ZBTB38: variants seen among roughly 807,000 people sequenced by gnomAD.
ZBTB38 encodes zinc finger and BTB domain containing 38.
A neutral mutation model predicts 76.8 loss-of-function variants in ZBTB38; 20 were observed. That is an observed-to-expected ratio of 0.26 (90% CI 0.18 to 0.38). The LOEUF (loss-of-function observed/expected upper bound fraction) is 0.38. ZBTB38 is among the 10% of genes least tolerant of loss of function. ZBTB38 has a pLI of 1.00. For synonymous variants in ZBTB38, 504 were observed against 544.2 expected, an observed-to-expected ratio of 0.93 and a Z score of 1.03; for missense variants, 1,082 against 1,482.3, an observed-to-expected ratio of 0.73 and a Z score of 4.43.
intron 5 of ZBTB38, among the ~76,000 whole-genome samples, chr3:141,406,452 C>T (rs971697269): frequency 3.9e-5 from 6 of 152,166 alleles, no homozygotes; most frequent in African/African-American, 9.7e-5. Context: ...GCTGACACTG[C>T]GATTTCCAGA....
chr3:141,365,896 T>A (rs1279273949), upstream of ZBTB38, among the ~76,000 whole-genome samples: 1 of 152,220 alleles, frequency 6.6e-6, no homozygotes, highest in African/African-American at 2.4e-5. Context: ...TATACCTTAA[T>A]AATTTTTTTT....
intron 1 of ZBTB38, among the ~76,000 whole-genome samples, chr3:141,350,272 G>C (rs1325393901): frequency 6.6e-6 from 1 of 152,170 alleles, no homozygotes; most frequent in African/African-American, 2.4e-5. Context: ...TATAGGTTTA[G>C]TCTAGGAGTT....
chr3:141,351,130 G>T (rs1231648644), intron 1 of ZBTB38, among the ~76,000 whole-genome samples: 1 of 152,170 alleles, frequency 6.6e-6, no homozygotes, highest in African/African-American at 2.4e-5. Flanking sequence ...GTTATCTCTA[G>T]GTCAGGGAGG....
chr3:141,366,446 CCA>C (rs1286152232), upstream of ZBTB38: 1 of 152,210 alleles, frequency 6.6e-6, no homozygotes, highest in African/African-American at 2.4e-5. Context: ...TTTCCTCAGC[CCA>C]AGATCAGGCT....
chr3:141,409,043 T>C (rs990998673), intron 5 of ZBTB38, among the ~76,000 whole-genome samples: 1 of 152,184 alleles, frequency 6.6e-6, no homozygotes, highest in African/African-American at 2.4e-5. Context: ...GAGTTTATTT[T>C]TTTTTAATTA....
rs1299864264 is a variant in ZBTB38, at chr3:141,335,124, C to T, written c.-739+10668C>T. 2.0e-5 allele frequency among the ~76,000 whole-genome samples: 3 copies of T among 152,302 alleles called. No homozygotes were observed. In the East Asian group the frequency reaches 5.8e-4, roughly 29 times the overall value. On this transcript the variant is annotated intron_variant, in intron 1 of 7. Transcript: ENST00000509842. The stretch of plus-strand genomic sequence containing the variant: ...TGCTGGTGCTACCGGTCAGCCAGAA[C>T]CACACTGCATATCCCTGGAAAGGGT...
chr3:141,361,006 A>G (rs1943808096), intron 1 of ZBTB38, among the ~76,000 whole-genome samples: 1 of 152,198 alleles, frequency 6.6e-6, no homozygotes, highest in Non-Finnish European at 1.5e-5. Flanking sequence ...TTTGTTTTCC[A>G]GAAGCTATTT....
chr3:141,357,642 G>C (rs1943702744), intron 1 of ZBTB38, among the ~76,000 whole-genome samples: 1 of 152,128 alleles, frequency 6.6e-6, no homozygotes, highest in Admixed American at 6.5e-5. Context: ...CGATTCTCCT[G>C]CCTCGGCCTC....
At chr3:141,402,505 GGCCTGCGGGCGCGGCGCCCGTGGCGCC>G (rs1952486755) in intron 4 of ZBTB38, 1 of 150,386 alleles carries the variant, frequency 6.6e-6, no homozygotes, top group South Asian at 2.1e-4. Flanking sequence ...GGCGAGGCGC[GGCCTGCGGGCGCGGCGCCCGTGGCGCC>G]GCCAGCCCGA....
chr3:141,403,281 T>A (rs1953009431), intron 4 of ZBTB38: 1 of 152,222 alleles, frequency 6.6e-6, no homozygotes, highest in Non-Finnish European at 1.5e-5. Flanking sequence ...TCTGTGAAGC[T>A]CAACTACTTG....
At chr3:141,364,765 A>C (rs1943916097), upstream of ZBTB38, among the ~76,000 whole-genome samples, 1 of 151,622 alleles carries the variant, frequency 6.6e-6, no homozygotes, top group African/African-American at 2.4e-5. Context: ...GAAGATATAC[A>C]AGTGACCAAT....
chr3:141,417,260 G>A (rs1464490268), intron 5 of ZBTB38, among the ~76,000 whole-genome samples: 1 of 152,150 alleles, frequency 6.6e-6, no homozygotes, highest in Non-Finnish European at 1.5e-5. Flanking sequence ...CCTCCCATAT[G>A]TCATTGCACT....
At chr3:141,438,084 C>T (rs905162575) in intron 5 of ZBTB38, among the ~76,000 whole-genome samples, 3 of 150,688 alleles carry the variant, frequency 2.0e-5, no homozygotes, top group Admixed American at 1.3e-4. Flanking sequence ...GCTGATTGAA[C>T]GCATGTCTTT....
intron 5 of ZBTB38, among the ~76,000 whole-genome samples, chr3:141,411,765 G>A (rs1956748107): frequency 6.6e-6 from 1 of 152,172 alleles, no homozygotes; most frequent in Non-Finnish European, 1.5e-5. Context: ...AGTGTCTTCA[G>A]CGACTACACA....
chr3:141,396,047 G>T (rs569405549), intron 4 of ZBTB38, among the ~76,000 whole-genome samples: 94 of 152,322 alleles, frequency 6.2e-4, no homozygotes, highest in South Asian at 2.9e-3. Flanking sequence ...GAAGGTTGGG[G>T]TGGCGATTTC....
At chr3:141,424,220 T>C (rs2075969363) in intron 5 of ZBTB38, among the ~76,000 whole-genome samples, 1 of 152,236 alleles carries the variant, frequency 6.6e-6, no homozygotes, top group African/African-American at 2.4e-5. Flanking sequence ...AGACTTTTTA[T>C]TTAAATAGTT....
chr3:141,360,383 A>G (rs1182237876), intron 1 of ZBTB38, among the ~76,000 whole-genome samples: 2 of 152,200 alleles, frequency 1.3e-5, no homozygotes, highest in African/African-American at 4.8e-5. Context: ...AAGCTTTGCC[A>G]TCAGAAATTG....
chr3:141,353,150 G>A (rs899037889), intron 1 of ZBTB38, among the ~76,000 whole-genome samples: 3 of 152,036 alleles, frequency 2.0e-5, no homozygotes, highest in Admixed American at 2.0e-4. Context: ...TTCACCAGGG[G>A]TGTTTAAGCC....
At chr3:141,426,086 G>T (rs1037148529) in intron 5 of ZBTB38, 1 of 1,242,460 alleles carries the variant, frequency 8.0e-7, no homozygotes, top group Non-Finnish European at 1.1e-6. Context: ...TGTTGCATTT[G>T]TTTGGAGTAT....
Sources: gnomAD v4.1 joint callset for allele counts (sites outside exome capture counted in the v4.1 genomes callset) on GRCh38, gnomAD v4.1.1 for gene constraint, MANE v1.5 for transcripts, NCBI Gene and HGNC (gene_info 2026-07-23, HGNC 2026-07-21) for gene names.